SUDS3: variants seen among roughly 807,000 people sequenced by gnomAD.
The protein encoded by SUDS3 is SIN3A corepressor complex component SDS3.
Under a neutral mutation model 53.5 loss-of-function variants are expected in SUDS3, and 23 were observed. The observed-to-expected ratio is 0.43, with a 90% CI of 0.31 to 0.61. The LOEUF is 0.61. Ranked by LOEUF, SUDS3 falls within the 20% of genes least tolerant of loss-of-function variation. The pLI, the probability that SUDS3 is intolerant of heterozygous loss-of-function variation, is 0.10. For missense variants in SUDS3, 291 were observed against 405.9 expected (o/e 0.72, Z 2.43); for synonymous variants, 150 against 148.5 (o/e 1.01, Z -0.08).
intron 3 of SUDS3, 151 bp from the exon 4 acceptor site, chr12:118,385,963 G>T (rs2046111132): frequency 2.9e-6 from 2 of 685,456 alleles, no homozygotes; most frequent in Admixed American, 2.6e-5. Context: ...TGTGTGCCTT[G>T]GTTAAGAACC....
chr12:118,387,725 A>G (rs1376024339), intron 4 of SUDS3, among the ~76,000 whole-genome samples: 3 of 152,014 alleles, frequency 2.0e-5, no homozygotes, highest in African/African-American at 7.3e-5. Context: ...CTAATTTTGT[A>G]TTTTTAGTAG....
rs1226747359 is a variant in SUDS3 at position 118,415,142 on chromosome 12, AG to A, written c.*711del. The stretch of plus-strand genomic sequence containing the variant: ...CCATATTTTAAATGTTATTTAATGC[AG>A]GTGATTTATTCAAACATTTGTTCTA... On this transcript the variant is annotated 3_prime_UTR_variant, in exon 12 of 12. Transcript: ENST00000543473. The A allele has an allele frequency of 6.6e-6, 1 of 152,234 alleles. No individual in the cohort carries two copies. Among genetic ancestry groups the A allele is most frequent in the Non-Finnish European group, 1.5e-5 (1 of 68,038 alleles). The allele number at this position is 152,234 out of a possible 1,614,324, so 9.4% of individuals were successfully genotyped here. A position where few individuals can be genotyped will look rare whatever the true frequency, so the allele number is the denominator to read the frequency against.
At chr12:118,388,285 G>T (rs2046132771) in intron 4 of SUDS3, among the ~76,000 whole-genome samples, 2 of 152,172 alleles carry the variant, frequency 1.3e-5, no homozygotes, top group African/African-American at 4.8e-5. Flanking sequence ...TTAATCTGGG[G>T]TTCCTAGAAC....
chr12:118,388,788 C>G (rs1265958519), intron 4 of SUDS3, among the ~76,000 whole-genome samples: 1 of 152,162 alleles, frequency 6.6e-6, no homozygotes, highest in Non-Finnish European at 1.5e-5. Context: ...TCCCTGGAGC[C>G]TCTGTCCTAT....
At chr12:118,377,423 G>A (rs1469169815) in intron 1 of SUDS3, among the ~76,000 whole-genome samples, 1 of 152,122 alleles carries the variant, frequency 6.6e-6, no homozygotes, top group African/African-American at 2.4e-5. Flanking sequence ...ACCTGCCCTA[G>A]AAGGCACTTC....
At chr12:118,386,082 A>C in intron 3 of SUDS3, 32 bp from the exon 4 acceptor site, 1 of 1,505,490 alleles carries the variant, frequency 6.6e-7, no homozygotes, top group Non-Finnish European at 9.1e-7. Flanking sequence ...TTATATTCAC[A>C]ATAATTTTAT....
At chr12:118,408,142 A>T (rs535138041) in intron 10 of SUDS3, among the ~76,000 whole-genome samples, 191 of 151,716 alleles carry the variant, frequency 1.3e-3, no homozygotes, top group Non-Finnish European at 2.5e-3. Context: ...CTCGTGATAT[A>T]CCCGCCTCGG....
intron 11 of SUDS3, among the ~76,000 whole-genome samples, chr12:118,413,876 C>G (rs560714664): frequency 6.6e-6 from 1 of 152,274 alleles, no homozygotes; most frequent in Non-Finnish European, 1.5e-5. Flanking sequence ...TCTGCACAAC[C>G]ATTAGCCTTC....
intron 6 of SUDS3, among the ~76,000 whole-genome samples, chr12:118,396,887 C>G (rs930538699): frequency 3.9e-5 from 6 of 152,122 alleles, no homozygotes; most frequent in African/African-American, 1.4e-4. Context: ...AATCTGTGCT[C>G]CCTGTGGTGA....
At chr12:118,395,758 C>T (rs1050000944) in intron 6 of SUDS3, among the ~76,000 whole-genome samples, 2 of 152,092 alleles carry the variant, frequency 1.3e-5, no homozygotes, top group African/African-American at 4.8e-5. Context: ...GTGCCACGGT[C>T]TTGGCTCACT....
Position 118,403,479 on chromosome 12 carries a change from T to A in SUDS3, c.765T>A (p.Ala255=), listed in dbSNP as rs558360899. Residue 255 remains alanine (A), a synonymous_variant, in exon 10 of 12, where the codon GCT becomes GCA. Transcript: ENST00000543473. ...PAESPAQRFE[A]RIEDGKLYYD... ...AATCTCCAGCCCAGAGGTTCGAAGCTCGGATAGAAGATGGCAAACTGTACT... is the reference window on the plus strand; with the variant it reads ...AATCTCCAGCCCAGAGGTTCGAAGCACGGATAGAAGATGGCAAACTGTACT... 8 of 1,613,602 alleles carry A rather than the reference T, an allele frequency of 5.0e-6. No individual in the cohort carries two copies. The South Asian group carries it at 7.7e-5, about 16-fold the overall frequency.
chr12:118,402,868 C>G (rs1173393727), intron 9 of SUDS3, among the ~76,000 whole-genome samples: 1 of 151,518 alleles, frequency 6.6e-6, no homozygotes, highest in African/African-American at 2.4e-5. Context: ...TCAAGTGATT[C>G]TCCTGTCTCA....
chr12:118,383,373 A>G (rs2046085051), intron 2 of SUDS3, among the ~76,000 whole-genome samples: 3 of 152,242 alleles, frequency 2.0e-5, no homozygotes, highest in South Asian at 2.1e-4. Flanking sequence ...ATGACTGCCT[A>G]TAATCCATTA....
intron 6 of SUDS3, among the ~76,000 whole-genome samples, chr12:118,399,997 C>T (rs990994427): frequency 4.6e-5 from 7 of 152,042 alleles, no homozygotes; most frequent in Non-Finnish European, 1.0e-4. Flanking sequence ...AGGTTCACCT[C>T]CTTGTGCGCC....
intron 6 of SUDS3, 136 bp downstream of exon 6, chr12:118,391,418 C>A: frequency 2.1e-6 from 2 of 957,752 alleles, no homozygotes; most frequent in Non-Finnish European, 3.1e-6. Flanking sequence ...GATCAGAGTT[C>A]CTCCTCCACC....
intron 6 of SUDS3, among the ~76,000 whole-genome samples, chr12:118,393,830 C>T (rs1369325621): frequency 6.6e-6 from 1 of 151,948 alleles, no homozygotes; most frequent in Non-Finnish European, 1.5e-5. Flanking sequence ...ACCACCACGC[C>T]CGGCTAATTT....
chr12:118,397,121 C>T (rs76859175), intron 6 of SUDS3, among the ~76,000 whole-genome samples: 2,022 of 152,202 alleles, frequency 0.013, 43 homozygotes, highest in African/African-American at 0.045. Context: ...ATGAGGAGAC[C>T]TCTGGATCAG....
At chr12:118,387,956 TGATCCAC>T (rs1242249933) in intron 4 of SUDS3, among the ~76,000 whole-genome samples, 2 of 152,362 alleles carry the variant, frequency 1.3e-5, no homozygotes, top group African/African-American at 4.8e-5. Context: ...TTTTCAGAGA[TGATCCAC>T]CTGCTTTAGT....
Position 118,403,393 on chromosome 12 carries a change from A to G in SUDS3, c.698-19A>G, listed in dbSNP as rs755305646. The G allele has an allele frequency of 1.3e-6, 2 of 1,595,890 alleles. No homozygotes were observed. Among genetic ancestry groups the G allele is most frequent in the Non-Finnish European group, 8.6e-7 (1 of 1,165,598 alleles). ...GTGTTTGTTACATTCTTAGTCACGT[A>G]AGTATTGGTTTCCTCCAGCATCTCC... On this transcript the variant is annotated intron_variant, in intron 9 of 11. Transcript: ENST00000543473.
Sources: gnomAD v4.1 joint callset for allele counts (sites outside exome capture counted in the v4.1 genomes callset) on GRCh38, gnomAD v4.1.1 for gene constraint, MANE v1.5 for transcripts, NCBI Gene and HGNC (gene_info 2026-07-23, HGNC 2026-07-21) for gene names.